The following SAMD3 variants were observed in gnomAD, a reference collection of about 807,000 sequenced individuals.
SAMD3 encodes the protein sterile alpha motif domain containing 3.
Under a neutral mutation model 58.5 loss-of-function variants are expected in SAMD3, and 63 were observed. The ratio of observed to expected loss-of-function variants is 1.08; its 90% CI spans 0.88 to 1.33. The LOEUF (loss-of-function observed/expected upper bound fraction) is 1.33, where lower values mean the gene tolerates loss of function less well. Among genes scored for constraint, SAMD3 ranks in the 40% most tolerant of loss-of-function variants. The pLI, the probability that SAMD3 is intolerant of heterozygous loss-of-function variation, is 0.00. For missense variants in SAMD3, 604 were observed against 608.4 expected (o/e 0.99, Z 0.08); for synonymous variants, 220 against 210.3 (o/e 1.05, Z -0.40).
intron 2 of SAMD3, among the ~76,000 whole-genome samples, chr6:130,266,575 T>TA (rs200455068): frequency 0.021 from 3,138 of 152,054 alleles, 97 homozygotes; most frequent in African/African-American, 0.071. Flanking sequence ...CAAACCATAC[T>TA]AAAAAAAATC....
chr6:130,350,685 C>T (rs1777625823), intron 1 of SAMD3, among the ~76,000 whole-genome samples: 1 of 152,180 alleles, frequency 6.6e-6, no homozygotes, highest in South Asian at 2.1e-4. Context: ...TCCCATCAAA[C>T]TACCAATGAC....
chr6:130,154,706 AAAAAAAAAAAAAATATAT>A (rs1789586269), intron 9 of SAMD3, 101 bp downstream of exon 9: 1 of 98,304 alleles, frequency 1.0e-5, no homozygotes, highest in Non-Finnish European at 1.8e-5. Flanking sequence ...AAAAAAAAAA[AAAAAAAAAAAAAATATAT>A]ATATATATAT....
intron 1 of SAMD3, among the ~76,000 whole-genome samples, chr6:130,356,705 C>T (rs1777840286): frequency 6.6e-6 from 1 of 152,164 alleles, no homozygotes; most frequent in South Asian, 2.1e-4. Flanking sequence ...AACAGCTTTG[C>T]TAGTTTTCCT....
intron 2 of SAMD3, among the ~76,000 whole-genome samples, chr6:130,285,470 A>T (rs1318677331): frequency 6.6e-6 from 1 of 152,170 alleles, no homozygotes; most frequent in African/African-American, 2.4e-5. Context: ...ACTGATTCCT[A>T]CTTTAAATGT....
chr6:130,195,711 C>A (rs186535132), intron 5 of SAMD3, among the ~76,000 whole-genome samples: 1 of 152,278 alleles, frequency 6.6e-6, no homozygotes, highest in Non-Finnish European at 1.5e-5. Context: ...CAAGGCTTCA[C>A]AGACATCCCT....
intron 8 of SAMD3, among the ~76,000 whole-genome samples, chr6:130,156,485 T>C (rs1272996613): frequency 6.6e-6 from 1 of 152,188 alleles, no homozygotes; most frequent in Non-Finnish European, 1.5e-5. Context: ...AACAACTAAC[T>C]TGAATTTATT....
chr6:130,239,111 A>G (rs891909253), intron 2 of SAMD3, among the ~76,000 whole-genome samples: 1 of 152,100 alleles, frequency 6.6e-6, no homozygotes, highest in Non-Finnish European at 1.5e-5. Flanking sequence ...CACCTAAGAG[A>G]TGATGTCTGA....
chr6:130,221,699 G>C (rs1353064890), intron 1 of SAMD3: 2 of 152,326 alleles, frequency 1.3e-5, no homozygotes, highest in Non-Finnish European at 2.9e-5. Flanking sequence ...GGCTGAGGAG[G>C]AGGAGGAGGA....
intron 2 of SAMD3, among the ~76,000 whole-genome samples, chr6:130,300,417 G>A (rs908923853): frequency 1.3e-5 from 2 of 152,110 alleles, no homozygotes; most frequent in African/African-American, 4.8e-5. Flanking sequence ...GTCTCTTCAT[G>A]ATAAAAACCC....
At chr6:130,331,015 G>A (rs1776916155) in intron 1 of SAMD3, among the ~76,000 whole-genome samples, 1 of 152,348 alleles carries the variant, frequency 6.6e-6, no homozygotes, top group South Asian at 2.1e-4. Context: ...TAGAATATAA[G>A]CTGGTGCAAC....
chr6:130,199,924 C>T (rs1358010433), intron 5 of SAMD3, among the ~76,000 whole-genome samples: 2 of 152,084 alleles, frequency 1.3e-5, no homozygotes, highest in Admixed American at 1.3e-4. Context: ...AATTACATGT[C>T]TGAAATGCAT....
chr6:130,338,330 G>A (rs188138778), intron 1 of SAMD3, among the ~76,000 whole-genome samples: 40 of 152,358 alleles, frequency 2.6e-4, no homozygotes, highest in Admixed American at 1.1e-3. Flanking sequence ...GGATGTACAG[G>A]CAGAAGTCTG....
At chr6:130,279,195 T>A (rs1290531816) in intron 2 of SAMD3, among the ~76,000 whole-genome samples, 1 of 152,180 alleles carries the variant, frequency 6.6e-6, no homozygotes, top group Non-Finnish European at 1.5e-5. Flanking sequence ...CCACCAGATA[T>A]GGTTTGGCTG....
At chr6:130,241,366 C>G (rs1273136714) in intron 2 of SAMD3, among the ~76,000 whole-genome samples, 1 of 151,938 alleles carries the variant, frequency 6.6e-6, no homozygotes, top group Non-Finnish European at 1.5e-5. Flanking sequence ...CAGGTGTGTG[C>G]CACCACGCCC....
At chr6:130,341,546 G>A (rs973855379) in intron 1 of SAMD3, among the ~76,000 whole-genome samples, 2 of 152,156 alleles carry the variant, frequency 1.3e-5, no homozygotes, top group African/African-American at 4.8e-5. Flanking sequence ...TTATATAAAG[G>A]TGAAAGAAAA....
intron 2 of SAMD3, among the ~76,000 whole-genome samples, chr6:130,269,180 G>A (rs1398247115): frequency 3.9e-5 from 6 of 152,118 alleles, no homozygotes; most frequent in Middle Eastern, 3.4e-3. Flanking sequence ...GCCTATATAC[G>A]TTCAATTGCT....
chr6:130,349,848 C>T (rs1305639591), intron 1 of SAMD3, among the ~76,000 whole-genome samples: 6 of 152,146 alleles, frequency 3.9e-5, no homozygotes, highest in Non-Finnish European at 8.8e-5. Context: ...TCGAATCCAG[C>T]AGCACATCAA....
At chr6:130,321,623 T>C (rs963062161) in intron 1 of SAMD3, among the ~76,000 whole-genome samples, 3 of 152,200 alleles carry the variant, frequency 2.0e-5, no homozygotes, top group African/African-American at 2.4e-5. Context: ...ACCTTGTTTT[T>C]TCTCATTCAA....
intron 2 of SAMD3, among the ~76,000 whole-genome samples, chr6:130,283,082 G>A (rs2064873): frequency 0.15 from 21,918 of 150,494 alleles, 4,159 homozygotes; most frequent in African/African-American, 0.45. Flanking sequence ...TACAAAAAAC[G>A]GCACATTTGA....
Sources: gnomAD v4.1 joint callset for allele counts (sites outside exome capture counted in the v4.1 genomes callset) on GRCh38, gnomAD v4.1.1 for gene constraint, MANE v1.5 for transcripts, NCBI Gene and HGNC (gene_info 2026-07-23, HGNC 2026-07-21) for gene names.